Variants in SMURF1 observed in about 807,000 individuals in gnomAD.
SMURF1 encodes E3 ubiquitin-protein ligase SMURF1.
In SMURF1, 44 loss-of-function variants were observed where a neutral mutation model predicts 98.0. The ratio of observed to expected loss-of-function variants is 0.45; its 90% CI spans 0.35 to 0.58. The LOEUF (loss-of-function observed/expected upper bound fraction) is 0.58, where lower values mean the gene tolerates loss of function less well. SMURF1 is among the 20% of genes least tolerant of loss of function. The pLI is 0.00. For missense variants in SMURF1, 687 were observed against 938.4 expected, an observed-to-expected ratio of 0.73 and a Z score of 3.50; for synonymous variants, 396 against 374.9, an observed-to-expected ratio of 1.06 and a Z score of -0.65.
chr7:99,103,892 CTT>C (rs1247182195), intron 1 of SMURF1, among the ~76,000 whole-genome samples: 5 of 145,212 alleles, frequency 3.4e-5, no homozygotes, highest in Non-Finnish European at 3.0e-5. Flanking sequence ...CGGGCCACAA[CTT>C]TTTTTTTTTT....
At chr7:99,032,964 C>T in intron 17 of SMURF1, 73 bp downstream of exon 17, 1 of 1,308,774 alleles carries the variant, frequency 7.6e-7, no homozygotes, top group Non-Finnish European at 1.0e-6. Context: ...AAAAAAACAA[C>T]AAAAAAAAAA....
At position 99,070,932 on chromosome 7, in the gene SMURF1, T is replaced by C. The variant is rs1584144308; in HGVS notation, c.56-9095A>G. On this transcript the variant is annotated intron_variant, in intron 1 of 17. Transcript: ENST00000361368. ...GCACACTACTGCCTGGAAGATCTGA[T>C]TCTTTGGAAATAAAATATATATATA... is the stretch of plus-strand genomic sequence containing the variant. Among the ~76,000 whole-genome samples, 4 of 152,130 alleles carry C rather than the reference T, an allele frequency of 2.6e-5. No homozygotes were observed. In the East Asian group the frequency reaches 7.7e-4, roughly 29 times the overall value.
At chr7:99,115,961 G>T (rs1797437128) in intron 1 of SMURF1, among the ~76,000 whole-genome samples, 1 of 151,956 alleles carries the variant, frequency 6.6e-6, no homozygotes, top group Admixed American at 6.6e-5. Flanking sequence ...TGTGAGGCCA[G>T]TATCACCCAG....
At position 99,057,490 on chromosome 7, in the gene SMURF1, T is replaced by G. The variant is rs1795904933; in HGVS notation, c.265A>C (p.Lys89Gln). The change falls in exon 4 of 18, where the codon AAA becomes CAA. Residue 89 changes from lysine to glutamine, a missense_variant. Around this residue, in one of 2 missense-constraint regions of SMURF1, gnomAD observed 415 missense variants for 508.4 expected, o/e 0.82. Transcript: ENST00000361368. The part of the protein sequence containing the change: ...SVWNHKKIHK[K>Q]QGAGFLGCVR... Reference sequence around the variant, plus strand: ...CAGCCCAGGAAGCCAGCTCCCTGTTTCTTGTGAATTTTCTTATGGTTCCAC... The same window carrying G: ...CAGCCCAGGAAGCCAGCTCCCTGTTGCTTGTGAATTTTCTTATGGTTCCAC... 3.8e-6 allele frequency: 6 copies of G among 1,588,648 alleles called. No homozygotes were observed. In the East Asian group the frequency reaches 1.3e-4, roughly 35 times the overall value.
At chr7:99,052,099 C>T (rs1157071675) in intron 7 of SMURF1, 106 bp downstream of exon 7, 12 of 1,423,426 alleles carry the variant, frequency 8.4e-6, no homozygotes, top group African/African-American at 1.4e-5. Flanking sequence ...CATGCCACTG[C>T]ACTCCAGCAT....
At chr7:99,046,224 A>G (rs1795569158) in intron 10 of SMURF1, among the ~76,000 whole-genome samples, 1 of 152,162 alleles carries the variant, frequency 6.6e-6, no homozygotes, top group Admixed American at 6.5e-5. Flanking sequence ...CTAAAGTGAA[A>G]AATCACATTT....
intron 1 of SMURF1, 63 bp downstream of exon 1, chr7:99,143,663 G>C (rs1016230826): frequency 4.6e-5 from 66 of 1,432,888 alleles, no homozygotes; most frequent in Middle Eastern, 4.0e-4. Context: ...AGGGCGCCCT[G>C]CGGGGAATTC....
intron 1 of SMURF1, among the ~76,000 whole-genome samples, chr7:99,103,625 A>C (rs865843609): frequency 6.6e-4 from 101 of 152,312 alleles, no homozygotes; most frequent in Admixed American, 2.2e-3. Context: ...AATCTTAAAA[A>C]GCTTCACAGA....
At chr7:99,080,648 A>C (rs1796560029) in intron 1 of SMURF1, among the ~76,000 whole-genome samples, 1 of 152,210 alleles carries the variant, frequency 6.6e-6, no homozygotes, top group African/African-American at 2.4e-5. Context: ...CAAGGTACAG[A>C]TAATTCCCAC....
intron 1 of SMURF1, among the ~76,000 whole-genome samples, chr7:99,106,135 C>T (rs1368943972): frequency 6.6e-6 from 1 of 152,188 alleles, no homozygotes; most frequent in Non-Finnish European, 1.5e-5. Context: ...GCAGGGACTA[C>T]ATCTGGTCAA....
At chr7:99,060,378 C>CAAAAAAAAAA (rs11340949) in intron 3 of SMURF1, among the ~76,000 whole-genome samples, 7 of 92,490 alleles carry the variant, frequency 7.6e-5, no homozygotes, top group African/African-American at 1.0e-4. Flanking sequence ...GACTCCGTCT[C>CAAAAAAAAAA]AAAAAAAAAA....
intron 1 of SMURF1, among the ~76,000 whole-genome samples, chr7:99,079,972 C>A (rs538365291): frequency 6.7e-6 from 1 of 149,124 alleles, no homozygotes. Context: ...AACCAGAAGC[C>A]GGTTCTTTTA....
intron 1 of SMURF1, among the ~76,000 whole-genome samples, chr7:99,065,101 T>C (rs1211534774): frequency 2.0e-5 from 3 of 152,056 alleles, no homozygotes; most frequent in Admixed American, 2.0e-4. Flanking sequence ...GTTGGGTTTT[T>C]TTTTTTTCTT....
At chr7:99,088,597 C>G (rs1162206910) in intron 1 of SMURF1, among the ~76,000 whole-genome samples, 1 of 151,976 alleles carries the variant, frequency 6.6e-6, no homozygotes, top group Non-Finnish European at 1.5e-5. Context: ...ACAATAAACA[C>G]TGACACAGAG....
At chr7:99,056,420 T>G (rs1795876580) in intron 5 of SMURF1, among the ~76,000 whole-genome samples, 1 of 152,212 alleles carries the variant, frequency 6.6e-6, no homozygotes, top group African/African-American at 2.4e-5. Flanking sequence ...TAGCCAACAC[T>G]TTGTAACATT....
At chr7:99,108,967 A>G (rs1797262711) in intron 1 of SMURF1, among the ~76,000 whole-genome samples, 1 of 152,182 alleles carries the variant, frequency 6.6e-6, no homozygotes, top group East Asian at 1.9e-4. Flanking sequence ...TTAAGGGAAT[A>G]GCATGATTCC....
At chr7:99,132,725 C>CACAG (rs1233922448) in intron 1 of SMURF1, among the ~76,000 whole-genome samples, 3 of 151,256 alleles carry the variant, frequency 2.0e-5, no homozygotes, top group African/African-American at 7.3e-5. Flanking sequence ...CACACACACA[C>CACAG]AGAGGAATAA....
At chr7:99,053,738 T>C (rs79667826) in intron 6 of SMURF1, among the ~76,000 whole-genome samples, 3,207 of 152,236 alleles carry the variant, frequency 0.021, 104 homozygotes, top group African/African-American at 0.073. Flanking sequence ...TCATCTCTCT[T>C]TTGTGATGTT....
At chr7:99,136,141 A>G (rs1797988940) in intron 1 of SMURF1, among the ~76,000 whole-genome samples, 3 of 152,210 alleles carry the variant, frequency 2.0e-5, no homozygotes, top group South Asian at 4.1e-4. Flanking sequence ...GTGAGCTATG[A>G]TCACGCCAGT....
Sources: allele counts gnomAD v4.1 joint callset (sites outside exome capture counted in the v4.1 genomes callset), GRCh38; gene constraint gnomAD v4.1.1; regional missense constraint gnomAD v4.1.1; transcripts MANE v1.5; gene names NCBI Gene and HGNC (gene_info 2026-07-23, HGNC 2026-07-21).